The following B4GALT5 variants were observed in gnomAD, a reference collection of about 807,000 sequenced individuals.
B4GALT5 encodes the protein UDP-Gal:beta-GlcNAc beta-1,4-galactosyltransferase 5.
B4GALT5 carries 11 observed loss-of-function variants against 45.0 expected under a neutral mutation model. That is an observed-to-expected ratio of 0.24 (90% CI 0.15 to 0.40). B4GALT5 has a LOEUF of 0.40. Ranked by LOEUF, B4GALT5 falls within the 10% of genes least tolerant of loss-of-function variation. The probability of loss-of-function intolerance (pLI) is 1.00; values close to 1 mark genes in which losing one functional copy is unlikely to be tolerated. For missense variants in B4GALT5, 337 were observed against 500.2 expected (o/e 0.67, Z 3.11); for synonymous variants, 185 against 182.9 (o/e 1.01, Z -0.09).
chr20:49,641,309 TC>T (rs2122996448), intron 5 of B4GALT5, among the ~76,000 whole-genome samples: 1 of 152,352 alleles, frequency 6.6e-6, no homozygotes, highest in East Asian at 1.9e-4. Flanking sequence ...TACCACTTGC[TC>T]TTCAGCACAT....
At chr20:49,645,184 G>A (rs1020659271) in intron 3 of B4GALT5, among the ~76,000 whole-genome samples, 1 of 151,930 alleles carries the variant, frequency 6.6e-6, no homozygotes, top group African/African-American at 2.4e-5. Context: ...ACCAGCCTGG[G>A]CAACATAGTG....
rs186403659 is a variant in B4GALT5, at chr20:49,649,110, G to T, written c.251-2032C>A. ...ATATATGCACACGGCTGCCTACTCT[G>T]CGCTGCCTACTCTGCAAGTACTCTG... is the stretch of plus-strand genomic sequence containing the variant. On this transcript the variant is annotated intron_variant, in intron 2 of 8. Coordinates refer to ENST00000371711, the MANE Select transcript of B4GALT5 (RefSeq NM_004776.4). 2.6e-5 allele frequency among the ~76,000 whole-genome samples: 4 copies of T among 152,224 alleles called. No homozygotes were observed. The East Asian group carries it at 7.7e-4, about 29-fold the overall frequency.
chr20:49,713,011 G>A (rs1160874695), intron 1 of B4GALT5, among the ~76,000 whole-genome samples: 1 of 150,956 alleles, frequency 6.6e-6, no homozygotes. Flanking sequence ...TGTAATAGGG[G>A]AAGTAGAGGA....
intron 2 of B4GALT5, among the ~76,000 whole-genome samples, chr20:49,652,819 G>A (rs2085627659): frequency 6.6e-6 from 1 of 152,202 alleles, no homozygotes; most frequent in African/African-American, 2.4e-5. Flanking sequence ...TAATGCAGAT[G>A]CCTGAATGTG....
At chr20:49,692,189 A>G (rs541195127) in intron 1 of B4GALT5, among the ~76,000 whole-genome samples, 1 of 152,032 alleles carries the variant, frequency 6.6e-6, no homozygotes, top group South Asian at 2.1e-4. Flanking sequence ...AGTGTGCCTT[A>G]TAAAAACAAT....
chr20:49,647,023 A>G lies in B4GALT5; in HGVS notation c.306T>C (p.Leu102=). ...TTGCAAAGTAGGTGAAGTCTTCAGG[A>G]AGAAATGTTGTAGTTTGCAGGAAGG... ...SETFLQTTTF[L]PEDFTYFANH... is the part of the protein sequence containing the mutation. Residue 102 remains leucine, a synonymous_variant, in exon 3 of 9, where the codon CTT becomes CTC. Transcript: ENST00000371711. 6.2e-7 allele frequency: 1 copy of G among 1,614,070 alleles called. No homozygotes were observed. The highest frequency in any genetic ancestry group is 8.5e-7 in the Non-Finnish European group (1 of 1,179,942).
At chr20:49,697,266 T>A (rs1416271522) in intron 1 of B4GALT5, among the ~76,000 whole-genome samples, 2 of 152,250 alleles carry the variant, frequency 1.3e-5, no homozygotes, top group Non-Finnish European at 2.9e-5. Flanking sequence ...AGCACCTGAC[T>A]TCAGCAGCCA....
chr20:49,655,054 C>T (rs939742709), intron 2 of B4GALT5, among the ~76,000 whole-genome samples: 3 of 151,946 alleles, frequency 2.0e-5, no homozygotes, highest in Non-Finnish European at 4.4e-5. Context: ...TCACTTGAGC[C>T]TGGGAGGTCA....
At chr20:49,695,784 C>T (rs1351410093) in intron 1 of B4GALT5, among the ~76,000 whole-genome samples, 1 of 147,458 alleles carries the variant, frequency 6.8e-6, no homozygotes, top group East Asian at 2.1e-4. Flanking sequence ...GAATAAACTG[C>T]ATGACATTAA....
intron 1 of B4GALT5, among the ~76,000 whole-genome samples, chr20:49,693,062 G>A (rs754228183): frequency 6.6e-6 from 1 of 152,062 alleles, no homozygotes; most frequent in Non-Finnish European, 1.5e-5. Context: ...CGAATAATAG[G>A]CTATACCATA....
Position 49,634,242 on chromosome 20 carries a change from T to C in B4GALT5, c.*2070A>G, listed in dbSNP as rs1984451754. On this transcript the variant is annotated 3_prime_UTR_variant, in exon 9 of 9. Coordinates refer to ENST00000371711, the MANE Select transcript of B4GALT5 (RefSeq NM_004776.4). ...AGGCCTGGCCAATCACTCCCACAGT[T>C]TGTGGGGATCATATGTCCACAGAAC... The C allele has an allele frequency of 6.6e-6, 1 of 152,508 alleles. No homozygotes were observed. The highest frequency in any genetic ancestry group is 2.4e-5 in the African/African-American group (1 of 41,400). 9.4% of individuals were successfully genotyped at this position (152,508 alleles called of 1,614,324 possible). A position where few individuals can be genotyped will look rare whatever the true frequency, so the allele number is the denominator to read the frequency against.
intron 1 of B4GALT5, among the ~76,000 whole-genome samples, chr20:49,657,220 T>G (rs114655503): frequency 0.012 from 1,844 of 152,230 alleles, 30 homozygotes; most frequent in African/African-American, 0.042. Flanking sequence ...CTCCAATCAC[T>G]TACCCTTGGG....
At chr20:49,707,545 T>C (rs2085889572) in intron 1 of B4GALT5, among the ~76,000 whole-genome samples, 1 of 152,198 alleles carries the variant, frequency 6.6e-6, no homozygotes, top group Non-Finnish European at 1.5e-5. Context: ...TACACTTGAA[T>C]GGGGAAAATC....
rs776727747 is a variant in B4GALT5, at chr20:49,637,338, A to G, written c.1019+3T>C. On this transcript the variant is annotated splice_donor_region_variant and intron_variant, in intron 8 of 8. Coordinates refer to ENST00000371711, the MANE Select transcript of B4GALT5 (RefSeq NM_004776.4). Reference sequence around the variant, plus strand: ...CTAAGAGACAGAGATAAATTCCACCAACCTTCCAAGAAACTGGACTTCTCC... The same window carrying G: ...CTAAGAGACAGAGATAAATTCCACCGACCTTCCAAGAAACTGGACTTCTCC... 8.7e-6 allele frequency: 14 copies of G among 1,611,922 alleles called. No individual in the cohort carries two copies. Among genetic ancestry groups the G allele is most frequent in the Non-Finnish European group, 1.2e-5 (14 of 1,178,006 alleles).
At chr20:49,710,130 C>T (rs1301875808) in intron 1 of B4GALT5, among the ~76,000 whole-genome samples, 1 of 152,174 alleles carries the variant, frequency 6.6e-6, no homozygotes, top group Non-Finnish European at 1.5e-5. Flanking sequence ...TTCAAGTCTA[C>T]TATTTCTGAA....
chr20:49,676,162 T>A (rs2085736313), intron 1 of B4GALT5, among the ~76,000 whole-genome samples: 1 of 152,042 alleles, frequency 6.6e-6, no homozygotes, highest in South Asian at 2.1e-4. Flanking sequence ...AAGTGACTTT[T>A]AAAAATGTAC....
At chr20:49,687,449 G>C (rs994059151) in intron 1 of B4GALT5, among the ~76,000 whole-genome samples, 2 of 152,116 alleles carry the variant, frequency 1.3e-5, no homozygotes, top group Non-Finnish European at 2.9e-5. Flanking sequence ...TTCGAGACCA[G>C]CCTGGCCAAC....
At chr20:49,711,352 T>C (rs1316202103) in intron 1 of B4GALT5, among the ~76,000 whole-genome samples, 2 of 152,206 alleles carry the variant, frequency 1.3e-5, no homozygotes, top group African/African-American at 2.4e-5. Flanking sequence ...TGAGGAATCT[T>C]AATTAAATTG....
At chr20:49,700,959 T>C (rs964338400) in intron 1 of B4GALT5, among the ~76,000 whole-genome samples, 1 of 152,238 alleles carries the variant, frequency 6.6e-6, no homozygotes, top group Non-Finnish European at 1.5e-5. Context: ...AATTAAAGAA[T>C]GTTAACTCCA....
Sources: gnomAD v4.1 joint callset for allele counts (sites outside exome capture counted in the v4.1 genomes callset) on GRCh38, gnomAD v4.1.1 for gene constraint, MANE v1.5 for transcripts, NCBI Gene and HGNC (gene_info 2026-07-23, HGNC 2026-07-21) for gene names.